DSCAM: variants seen among roughly 807,000 people sequenced by gnomAD.
The protein encoded by DSCAM is cell adhesion molecule DSCAM.
In DSCAM, 47 loss-of-function variants were observed where a neutral mutation model predicts 217.7. The observed-to-expected ratio is 0.22, with a 90% CI of 0.17 to 0.28. The LOEUF (loss-of-function observed/expected upper bound fraction) is 0.28. Among genes scored for constraint, DSCAM ranks in the 10% least tolerant of loss-of-function variants. The probability of loss-of-function intolerance (pLI) is 1.00; values close to 1 mark genes in which losing one functional copy is unlikely to be tolerated. For missense variants in DSCAM, 2,080 were observed against 2,618.3 expected (o/e 0.79, Z 4.49); for synonymous variants, 1,056 against 1,015.3 (o/e 1.04, Z -0.76).
chr21:40,559,782 CTGTCTTTTTTT>C (rs1356078724), intron 3 of DSCAM, among the ~76,000 whole-genome samples: 18 of 111,438 alleles, frequency 1.6e-4, no homozygotes, highest in South Asian at 1.6e-3. Context: ...TTAAAATTTT[CTGTCTTTTTTT>C]TTTTTTTTTT....
intron 32 of DSCAM, among the ~76,000 whole-genome samples, chr21:40,026,738 C>T (rs1303093254): frequency 6.8e-6 from 1 of 147,162 alleles, no homozygotes; most frequent in Non-Finnish European, 1.5e-5. Context: ...GATCTTCCTC[C>T]ATCCTTTTAT....
At chr21:40,555,800 TA>T (rs1318458427) in intron 3 of DSCAM, among the ~76,000 whole-genome samples, 4 of 152,118 alleles carry the variant, frequency 2.6e-5, no homozygotes, top group African/African-American at 4.8e-5. Flanking sequence ...GCTTGGCTAA[TA>T]TTTTTTTTAA....
chr21:40,212,480 T>G (rs1249514673), intron 11 of DSCAM: 1 of 154,206 alleles, frequency 6.5e-6, no homozygotes, highest in Non-Finnish European at 1.5e-5. Context: ...GCTTGGACAG[T>G]ACATCCTTTC....
At chr21:40,060,568 G>T (rs910148715) in intron 28 of DSCAM, among the ~76,000 whole-genome samples, 1 of 151,828 alleles carries the variant, frequency 6.6e-6, no homozygotes, top group Non-Finnish European at 1.5e-5. Flanking sequence ...AAGCAGGCCC[G>T]GGGTGGGGTA....
chr21:40,234,037 G>A (rs951828861), intron 11 of DSCAM, among the ~76,000 whole-genome samples: 2 of 152,190 alleles, frequency 1.3e-5, no homozygotes, highest in Admixed American at 6.5e-5. Context: ...TAACCAGAAG[G>A]CCCATGCTGG....
chr21:40,033,709 C>G (rs1424108119), intron 32 of DSCAM, among the ~76,000 whole-genome samples: 2 of 151,780 alleles, frequency 1.3e-5, no homozygotes, highest in African/African-American at 4.9e-5. Flanking sequence ...CCTCTGTAGG[C>G]TCCACCTCTA....
chr21:40,479,065 T>C (rs1041267201), intron 3 of DSCAM, among the ~76,000 whole-genome samples: 2 of 152,220 alleles, frequency 1.3e-5, no homozygotes, highest in African/African-American at 4.8e-5. Flanking sequence ...GGAAGAATGC[T>C]GTAAGAACAG....
intron 3 of DSCAM, among the ~76,000 whole-genome samples, chr21:40,531,137 T>A (rs2076443052): frequency 2.0e-5 from 3 of 152,190 alleles, no homozygotes; most frequent in Admixed American, 2.0e-4. Flanking sequence ...CTTCTTGGCG[T>A]CTCGTCAACA....
At chr21:40,294,996 AGAGATGCCAGGAGGGTTGCAAC>A (rs2073938145) in intron 10 of DSCAM, among the ~76,000 whole-genome samples, 1 of 152,228 alleles carries the variant, frequency 6.6e-6, no homozygotes, top group Non-Finnish European at 1.5e-5. Flanking sequence ...TTCTCAAAAG[AGAGATGCCAGGAGGGTTGCAAC>A]AAATGTACCA....
intron 3 of DSCAM, among the ~76,000 whole-genome samples, chr21:40,418,450 G>A (rs1478969980): frequency 6.6e-6 from 1 of 152,158 alleles, no homozygotes; most frequent in Non-Finnish European, 1.5e-5. Flanking sequence ...CTGCAGCTGG[G>A]AACGGGAGAA....
At chr21:40,163,994 C>T (rs1434679379) in intron 16 of DSCAM, among the ~76,000 whole-genome samples, 1 of 152,192 alleles carries the variant, frequency 6.6e-6, no homozygotes, top group Non-Finnish European at 1.5e-5. Context: ...CATATACACT[C>T]ACCTCTCCTT....
intron 3 of DSCAM, among the ~76,000 whole-genome samples, chr21:40,692,406 CAAAA>C (rs1418409044): frequency 1.3e-5 from 2 of 152,044 alleles, no homozygotes; most frequent in African/African-American, 2.4e-5. Flanking sequence ...TGGAAAGCAC[CAAAA>C]GGTCATGAAA....
At chr21:40,767,522 C>A (rs1347886195) in intron 1 of DSCAM, among the ~76,000 whole-genome samples, 1 of 152,138 alleles carries the variant, frequency 6.6e-6, no homozygotes, top group Non-Finnish European at 1.5e-5. Context: ...GGATGACATA[C>A]AAAATAAGCT....
chr21:40,159,393 C>T (rs2410216), intron 16 of DSCAM, among the ~76,000 whole-genome samples: 125,078 of 151,712 alleles, frequency 0.82, 52,817 homozygotes, highest in Non-Finnish European at 0.91. Flanking sequence ...TGTATATCCA[C>T]CTATGCACTC....
chr21:40,063,898 T>C (rs2837410), intron 27 of DSCAM, among the ~76,000 whole-genome samples: 23,582 of 152,084 alleles, frequency 0.16, 2,193 homozygotes, highest in East Asian at 0.35. Flanking sequence ...TTCGTTAAGT[T>C]GGCCAGTCCC....
chr21:40,107,364 T>C (rs761757598), intron 20 of DSCAM, among the ~76,000 whole-genome samples: 1 of 152,188 alleles, frequency 6.6e-6, no homozygotes, highest in Non-Finnish European at 1.5e-5. Flanking sequence ...TCTTTTGCAT[T>C]TGCTGAGGAG....
intron 3 of DSCAM, among the ~76,000 whole-genome samples, chr21:40,527,744 T>C (rs1402657597): frequency 6.6e-6 from 1 of 152,244 alleles, no homozygotes; most frequent in Non-Finnish European, 1.5e-5. Context: ...AAATCCAGTA[T>C]AATTATATTG....
At chr21:40,041,923 C>G (rs1164755939) in intron 32 of DSCAM, among the ~76,000 whole-genome samples, 2 of 152,148 alleles carry the variant, frequency 1.3e-5, no homozygotes, top group African/African-American at 4.8e-5. Flanking sequence ...ACTGCTTGCC[C>G]AATAGAATAT....
chr21:40,332,766 A>G (rs2074390311), intron 8 of DSCAM, among the ~76,000 whole-genome samples: 2 of 152,246 alleles, frequency 1.3e-5, no homozygotes, highest in African/African-American at 4.8e-5. Flanking sequence ...TTAAGCTTCA[A>G]CCACCATCAA....
Sources: allele counts gnomAD v4.1 joint callset (sites outside exome capture counted in the v4.1 genomes callset), GRCh38; gene constraint gnomAD v4.1.1; transcripts MANE v1.5; gene names NCBI Gene and HGNC (gene_info 2026-07-23, HGNC 2026-07-21).